Variants in ADAM10 observed in about 807,000 individuals in gnomAD.
ADAM10 encodes the protein ADAM metallopeptidase domain 10, also known as disintegrin and metalloproteinase domain-containing protein 10.
In ADAM10, 17 loss-of-function variants were observed where a neutral mutation model predicts 90.1. The ratio of observed to expected loss-of-function variants is 0.19; its 90% CI spans 0.13 to 0.28. The LOEUF (loss-of-function observed/expected upper bound fraction) is 0.28. ADAM10 is among the 10% of genes least tolerant of loss of function. The pLI is 1.00. For missense variants in ADAM10, 610 were observed against 914.3 expected (o/e 0.67, Z 4.29); for synonymous variants, 310 against 298.6 (o/e 1.04, Z -0.40).
At chr15:58,607,196 C>A (rs1895302073) in intron 14 of ADAM10, among the ~76,000 whole-genome samples, 1 of 152,236 alleles carries the variant, frequency 6.6e-6, no homozygotes. Flanking sequence ...AACCCTGGCT[C>A]CTCATCAGAA....
chr15:58,737,500 C>G (rs1313665800), intron 1 of ADAM10, among the ~76,000 whole-genome samples: 1 of 152,142 alleles, frequency 6.6e-6, no homozygotes, highest in Non-Finnish European at 1.5e-5. Context: ...CAACTGATAA[C>G]TACTATTTGA....
In ADAM10 at chr15:58,610,993, C is replaced by A. The variant is rs200345257; in HGVS notation, c.1804+6G>T. The stretch of plus-strand genomic sequence containing the variant: ...TTTTATACTCTTGTGTTTTTAAAAG[C>A]CTTACTTTTCTTCATACAGCATACA... On this transcript the variant is annotated splice_donor_region_variant and intron_variant, in intron 13 of 15. Transcript: ENST00000260408. 9 of 1,604,522 alleles carry A rather than the reference C, an allele frequency of 5.6e-6. No individual in the cohort carries two copies. The Middle Eastern group carries it at 9.9e-4, about 176-fold the overall frequency.
intron 2 of ADAM10, among the ~76,000 whole-genome samples, chr15:58,705,921 C>A (rs1230909393): frequency 6.6e-6 from 1 of 152,052 alleles, no homozygotes; most frequent in Non-Finnish European, 1.5e-5. Flanking sequence ...CCTTACTGTA[C>A]CTAATTTGTA....
chr15:58,605,955 T>C (rs1406091592), intron 14 of ADAM10, among the ~76,000 whole-genome samples: 2 of 152,014 alleles, frequency 1.3e-5, no homozygotes, highest in Non-Finnish European at 2.9e-5. Context: ...GCAAGTATCA[T>C]CTAAAAAAAA....
chr15:58,643,121 C>CTA (rs1431657757), intron 7 of ADAM10, among the ~76,000 whole-genome samples: 4 of 151,786 alleles, frequency 2.6e-5, no homozygotes, highest in Non-Finnish European at 4.4e-5. Flanking sequence ...TCTTTAAAAG[C>CTA]TATACATATA....
At chr15:58,656,480 T>C (rs1228057134) in intron 5 of ADAM10, among the ~76,000 whole-genome samples, 2 of 152,200 alleles carry the variant, frequency 1.3e-5, no homozygotes, top group South Asian at 2.1e-4. Context: ...TGTGTATCTA[T>C]CATATGTTTT....
intron 11 of ADAM10, among the ~76,000 whole-genome samples, chr15:58,615,900 A>G (rs1410823653): frequency 3.3e-5 from 5 of 151,936 alleles, no homozygotes; most frequent in African/African-American, 4.8e-5. Flanking sequence ...CCCAGCTACT[A>G]GGGAGGCTGA....
At position 58,593,149 on chromosome 15, in the gene ADAM10, ATTT is replaced by A. The variant is rs766149223; in HGVS notation, c.*4395_*4397del. 1.5e-4 allele frequency: 10 copies of A among 68,458 alleles called. No individual in the cohort carries two copies. The highest frequency in any genetic ancestry group is 1.3e-3 in the South Asian group (2 of 1,550). The allele number at this position is 68,458 out of a possible 1,614,324, so 4.2% of individuals were successfully genotyped here. ...AAAGTAACAAAGGCCAGGTACTCAA[ATTT>A]TTTTTTTTTTTTTTTTTTTTTTTTT... On this transcript the variant is annotated 3_prime_UTR_variant, in exon 16 of 16. Transcript: ENST00000260408.
At chr15:58,653,336 T>A (rs569709522) in intron 5 of ADAM10, among the ~76,000 whole-genome samples, 1 of 152,176 alleles carries the variant, frequency 6.6e-6, no homozygotes, top group Non-Finnish European at 1.5e-5. Context: ...CCATTCAGTA[T>A]GATACTAGCT....
chr15:58,617,386 A>T (rs1240044144), intron 11 of ADAM10, among the ~76,000 whole-genome samples: 2 of 152,150 alleles, frequency 1.3e-5, no homozygotes, highest in Non-Finnish European at 2.9e-5. Context: ...ATAAGAATAG[A>T]AAACCTGGAC....
intron 11 of ADAM10, among the ~76,000 whole-genome samples, chr15:58,619,944 CCAAA>C (rs1267543877): frequency 2.0e-5 from 3 of 151,644 alleles, no homozygotes; most frequent in Non-Finnish European, 4.4e-5. Context: ...AGCTACTAAG[CCAAA>C]CAGTCAAGAA....
rs1268125153 is a variant in ADAM10, at chr15:58,593,173, T to A, written c.*4374A>T. 5 of 52,406 alleles carry A rather than the reference T, an allele frequency of 9.5e-5. No individual in the cohort carries two copies. Among genetic ancestry groups the A allele is most frequent in the African/African-American group, 2.1e-4 (3 of 14,122 alleles). 3.2% of individuals were successfully genotyped at this position (52,406 alleles called of 1,614,324 possible). A position where few individuals can be genotyped will look rare whatever the true frequency, so the allele number is the denominator to read the frequency against. On this transcript the variant is annotated 3_prime_UTR_variant, in exon 16 of 16. Transcript: ENST00000260408. ...AATTTTTTTTTTTTTTTTTTTTTTT[T>A]TTTTTTTTTTTTTTTTTTTTTTTTG... is the stretch of plus-strand genomic sequence containing the variant.
At chr15:58,626,175 A>G (rs1343370168) in intron 10 of ADAM10, among the ~76,000 whole-genome samples, 1 of 152,150 alleles carries the variant, frequency 6.6e-6, no homozygotes, top group Non-Finnish European at 1.5e-5. Flanking sequence ...GGAAATTGGA[A>G]TAGTATCTAT....
At chr15:58,651,107 T>C (rs1896675578) in intron 5 of ADAM10, among the ~76,000 whole-genome samples, 1 of 152,106 alleles carries the variant, frequency 6.6e-6, no homozygotes, top group East Asian at 1.9e-4. Context: ...TTTTTATTTT[T>C]TGTTTTTAAA....
chr15:58,653,757 T>G (rs1044859059), intron 5 of ADAM10, among the ~76,000 whole-genome samples: 1 of 152,180 alleles, frequency 6.6e-6, no homozygotes, highest in Non-Finnish European at 1.5e-5. Context: ...CCTCCTCCTC[T>G]ATTTTTTGGA....
chr15:58,668,841 T>A (rs1216483634), intron 4 of ADAM10, among the ~76,000 whole-genome samples: 3 of 152,172 alleles, frequency 2.0e-5, no homozygotes, highest in Non-Finnish European at 2.9e-5. Flanking sequence ...ATGCCTCTTT[T>A]CAAAGGTCAT....
chr15:58,602,251 T>G (rs1424399837), intron 14 of ADAM10, among the ~76,000 whole-genome samples: 5 of 152,160 alleles, frequency 3.3e-5, no homozygotes, highest in Non-Finnish European at 7.3e-5. Context: ...AGTTCCAGAT[T>G]TATCCTGTTC....
chr15:58,691,676 C>CT (rs71116587), intron 2 of ADAM10: 20,432 of 226,660 alleles, frequency 0.09, 625 homozygotes, highest in African/African-American at 0.12. Context: ...ACTTCTTCTT[C>CT]TTTTTTTTTT....
At chr15:58,671,091 C>A (rs1432518263) in intron 4 of ADAM10, among the ~76,000 whole-genome samples, 1 of 152,156 alleles carries the variant, frequency 6.6e-6, no homozygotes, top group Non-Finnish European at 1.5e-5. Context: ...TGCCTTCTCC[C>A]TACCATGTAC....
Sources: gnomAD v4.1 joint callset for allele counts (sites outside exome capture counted in the v4.1 genomes callset) on GRCh38, gnomAD v4.1.1 for gene constraint, MANE v1.5 for transcripts, NCBI Gene and HGNC (gene_info 2026-07-23, HGNC 2026-07-21) for gene names.